MINDY3: variants seen among roughly 807,000 people sequenced by gnomAD.
MINDY3 encodes ubiquitin carboxyl-terminal hydrolase MINDY-3.
In MINDY3, 38 loss-of-function variants were observed where a neutral mutation model predicts 69.2. The ratio of observed to expected loss-of-function variants is 0.55; its 90% confidence interval spans 0.42 to 0.72. The LOEUF is 0.72. Ranked by LOEUF, MINDY3 falls within the 30% of genes least tolerant of loss-of-function variation. The pLI, the probability that MINDY3 is intolerant of heterozygous loss-of-function variation, is 0.00. For synonymous variants in MINDY3, 192 were observed against 180.1 expected, an observed-to-expected ratio of 1.07 and a Z score of -0.53; for missense variants, 522 against 519.0, an observed-to-expected ratio of 1.01 and a Z score of -0.06.
intron 11 of MINDY3, among the ~76,000 whole-genome samples, chr10:15,790,790 G>A (rs888689775): frequency 1.3e-5 from 2 of 152,046 alleles, no homozygotes; most frequent in Non-Finnish European, 2.9e-5. Flanking sequence ...AATGCTCCAC[G>A]GTGTCATATT....
intron 11 of MINDY3, among the ~76,000 whole-genome samples, chr10:15,791,360 A>T (rs1257435319): frequency 2.0e-5 from 3 of 152,004 alleles, no homozygotes; most frequent in Non-Finnish European, 2.9e-5. Context: ...CCTAGAGAAT[A>T]AGGAAACAGA....
intron 1 of MINDY3, among the ~76,000 whole-genome samples, chr10:15,848,434 A>G (rs112717167): frequency 0.11 from 16,591 of 151,900 alleles, 2,014 homozygotes; most frequent in African/African-American, 0.3. Flanking sequence ...GGAGATCGAG[A>G]CCATCCTGGC....
chr10:15,832,071 C>T (rs1840504816), intron 8 of MINDY3, among the ~76,000 whole-genome samples: 1 of 152,042 alleles, frequency 6.6e-6, no homozygotes, highest in Non-Finnish European at 1.5e-5. Flanking sequence ...TGAGGAAGAG[C>T]CTAGGGAGGC....
intron 13 of MINDY3, among the ~76,000 whole-genome samples, chr10:15,782,824 A>G (rs540722519): frequency 1.1e-3 from 162 of 152,350 alleles, no homozygotes; most frequent in African/African-American, 3.8e-3. Flanking sequence ...GATATCCTAT[A>G]TATCACTAAC....
At chr10:15,826,310 C>G (rs1234848505) in intron 8 of MINDY3, among the ~76,000 whole-genome samples, 1 of 152,122 alleles carries the variant, frequency 6.6e-6, no homozygotes, top group African/African-American at 2.4e-5. Context: ...GGCAAGAATG[C>G]ATTTAATTTG....
intron 1 of MINDY3, among the ~76,000 whole-genome samples, chr10:15,858,809 T>C (rs74756426): frequency 0.034 from 5,106 of 152,260 alleles, 260 homozygotes; most frequent in African/African-American, 0.12. Context: ...AAGTAAATTT[T>C]TTCTTAGTCT....
chr10:15,826,167 C>A (rs1434695018), intron 8 of MINDY3, among the ~76,000 whole-genome samples: 1 of 152,120 alleles, frequency 6.6e-6, no homozygotes, highest in African/African-American at 2.4e-5. Flanking sequence ...ACAAAAGGAT[C>A]TGAGAACCTT....
At chr10:15,817,831 C>T (rs1224552558) in intron 9 of MINDY3, 1 of 152,190 alleles carries the variant, frequency 6.6e-6, no homozygotes, top group Non-Finnish European at 1.5e-5. Flanking sequence ...TCAACCACCA[C>T]CCTGGCCCTG....
At position 15,781,025 on chromosome 10, in the gene MINDY3, G is replaced by A. The variant is rs147589389; in HGVS notation, c.1188+1130C>T. ...CAGGGATTGTGTAGGTGAATAATTA[G>A]TGATTATAAAGTACCTCCTATTACA... On this transcript the variant is annotated intron_variant, in intron 14 of 14. Coordinates refer to ENST00000277632, the MANE Select transcript of MINDY3 (RefSeq NM_024948.4). 2.2e-3 allele frequency among the ~76,000 whole-genome samples: 330 copies of A among 152,194 alleles called. 2 individuals are homozygous for A. Among genetic ancestry groups the A allele is most frequent in the African/African-American group, 6.6e-3 (275 of 41,520 alleles).
At chr10:15,799,687 C>A (rs140393124) in intron 10 of MINDY3, among the ~76,000 whole-genome samples, 5 of 152,116 alleles carry the variant, frequency 3.3e-5, no homozygotes, top group East Asian at 1.9e-4. Flanking sequence ...CACAGGGAAA[C>A]TGAAAAAGGT....
intron 1 of MINDY3, among the ~76,000 whole-genome samples, chr10:15,856,367 C>G (rs995875461): frequency 2.0e-5 from 3 of 151,490 alleles, no homozygotes; most frequent in Non-Finnish European, 4.4e-5. Context: ...AAGCCCAAAG[C>G]TCTAATTTCA....
chr10:15,836,482 T>C (rs181587950), intron 6 of MINDY3, among the ~76,000 whole-genome samples: 2 of 152,022 alleles, frequency 1.3e-5, no homozygotes, highest in East Asian at 1.9e-4. Context: ...GTCCCTAGCA[T>C]AGAGTCAATC....
At chr10:15,829,263 TG>T (rs1439233764) in intron 8 of MINDY3, among the ~76,000 whole-genome samples, 2 of 152,144 alleles carry the variant, frequency 1.3e-5, no homozygotes, top group Non-Finnish European at 2.9e-5. Context: ...GATGACATTT[TG>T]GGGAAAGTAC....
chr10:15,793,412 T>G (rs1264826056), intron 11 of MINDY3, among the ~76,000 whole-genome samples: 1 of 152,078 alleles, frequency 6.6e-6, no homozygotes, highest in Admixed American at 6.6e-5. Context: ...AAAACTATAT[T>G]TTTGACCTTG....
At chr10:15,851,922 T>C (rs868421376) in intron 1 of MINDY3, among the ~76,000 whole-genome samples, 2 of 152,192 alleles carry the variant, frequency 1.3e-5, no homozygotes, top group Non-Finnish European at 2.9e-5. Flanking sequence ...TTATCTACTG[T>C]GACCTTAGGT....
chr10:15,790,584 C>A (rs1454264105), intron 11 of MINDY3, among the ~76,000 whole-genome samples: 2 of 152,068 alleles, frequency 1.3e-5, no homozygotes, highest in Non-Finnish European at 2.9e-5. Flanking sequence ...GTGAAACAGG[C>A]TTTATGTGGC....
intron 10 of MINDY3, among the ~76,000 whole-genome samples, chr10:15,816,357 G>T (rs1393790437): frequency 6.6e-6 from 1 of 151,422 alleles, no homozygotes; most frequent in Non-Finnish European, 1.5e-5. Flanking sequence ...TTGTAATCAG[G>T]TATATATTAA....
intron 1 of MINDY3, among the ~76,000 whole-genome samples, chr10:15,852,144 G>A (rs889160162): frequency 6.6e-6 from 1 of 152,106 alleles, no homozygotes; most frequent in Non-Finnish European, 1.5e-5. Context: ...ACCATAATCT[G>A]TAGTTATTGT....
At chr10:15,850,527 T>C (rs575933612) in intron 1 of MINDY3, among the ~76,000 whole-genome samples, 96 of 152,148 alleles carry the variant, frequency 6.3e-4, no homozygotes, top group African/African-American at 2.2e-3. Flanking sequence ...GGGAGTGTCT[T>C]ATACAGTTGT....
Sources: allele counts gnomAD v4.1 joint callset (sites outside exome capture counted in the v4.1 genomes callset), GRCh38; gene constraint gnomAD v4.1.1; transcripts MANE v1.5; gene names NCBI Gene and HGNC (gene_info 2026-07-23, HGNC 2026-07-21).